The following CRIM1 variants were observed in gnomAD, a reference collection of about 807,000 sequenced individuals.
CRIM1 encodes cysteine-rich motor neuron 1 protein.
In CRIM1, 32 loss-of-function variants were observed where a neutral mutation model predicts 116.4. The observed-to-expected ratio is 0.27, with a 90% CI of 0.21 to 0.37. CRIM1 has a LOEUF of 0.37. Among genes scored for constraint, CRIM1 ranks in the 10% least tolerant of loss-of-function variants. The pLI is 1.00. For missense variants in CRIM1, 1,331 were observed against 1,354.8 expected (o/e 0.98, Z 0.28); for synonymous variants, 590 against 509.2 (o/e 1.16, Z -2.13).
intron 2 of CRIM1, among the ~76,000 whole-genome samples, chr2:36,404,778 T>C (rs1391226733): frequency 2.6e-5 from 4 of 152,248 alleles, no homozygotes; most frequent in Admixed American, 2.0e-4. Context: ...ACTTCTGTTT[T>C]ATAGCCTTTT....
At chr2:36,406,992 C>T (rs1374535287) in intron 2 of CRIM1, among the ~76,000 whole-genome samples, 1 of 152,098 alleles carries the variant, frequency 6.6e-6, no homozygotes, top group Non-Finnish European at 1.5e-5. Context: ...CTGGAATTCC[C>T]TTCCCTTGAC....
chr2:36,511,067 G>A (rs534294878), intron 9 of CRIM1, among the ~76,000 whole-genome samples: 2 of 151,752 alleles, frequency 1.3e-5, no homozygotes, highest in South Asian at 2.1e-4. Flanking sequence ...TCAGCCTCCC[G>A]AGTAGCTGGG....
intron 2 of CRIM1, among the ~76,000 whole-genome samples, chr2:36,409,929 T>C (rs1432961046): frequency 2.6e-5 from 4 of 152,236 alleles, no homozygotes; most frequent in African/African-American, 9.6e-5. Context: ...TCAAAAGCTA[T>C]GAGACCATTC....
intron 2 of CRIM1, among the ~76,000 whole-genome samples, chr2:36,410,997 C>T (rs1376612124): frequency 1.3e-5 from 2 of 152,160 alleles, no homozygotes; most frequent in Non-Finnish European, 2.9e-5. Flanking sequence ...TATTCTCAGT[C>T]GTGTCTGACG....
Position 36,549,093 on chromosome 2 carries a change from G to A in CRIM1, c.*392G>A, listed in dbSNP as rs1667563295. On this transcript the variant is annotated 3_prime_UTR_variant, in exon 17 of 17. Coordinates refer to ENST00000280527, the MANE Select transcript of CRIM1 (RefSeq NM_016441.3). ...AACATAAAAGCAGTTCAGTGGCCCAGAGGTTATTTTTTTCCTATTGCTCTG... is the reference window on the plus strand; with the variant it reads ...AACATAAAAGCAGTTCAGTGGCCCAAAGGTTATTTTTTTCCTATTGCTCTG... 2 of 155,578 alleles carry A rather than the reference G, an allele frequency of 1.3e-5. No homozygotes were observed. The highest frequency in any genetic ancestry group is 4.8e-5 in the African/African-American group (2 of 41,506). 9.6% of individuals were successfully genotyped at this position (155,578 alleles called of 1,614,324 possible). A position where few individuals can be genotyped will look rare whatever the true frequency, so the allele number is the denominator to read the frequency against.
chr2:36,422,259 T>TA lies in CRIM1; in HGVS notation c.506-18991dup, dbSNP rs997728982. On this transcript the variant is annotated intron_variant, in intron 2 of 16. Coordinates refer to ENST00000280527, the MANE Select transcript of CRIM1 (RefSeq NM_016441.3). ...TTCAATATAGTTAATGTTCTTTAAT[T>TA]AAAAAAAATCTTTAGGATACTTTAG... is the stretch of plus-strand genomic sequence containing the variant. Among the ~76,000 whole-genome samples the TA allele has an allele frequency of 6.6e-5, 10 of 152,024 alleles. No homozygotes were observed. The East Asian group carries it at 7.7e-4, about 12-fold the overall frequency.
chr2:36,441,497 C>G lies in CRIM1; in HGVS notation c.745C>G (p.Pro249Ala). Residue 249 changes from proline (P) to alanine (A), a missense_variant, in exon 3 of 17, where the codon CCA becomes GCA. Pro to Ala is a conservative substitution (Grantham distance 27). Coordinates refer to ENST00000280527, the MANE Select transcript of CRIM1 (RefSeq NM_016441.3). ...GTGCTGTGACCTCTATGAGTGCAAA[C>G]CAGGTATGCACGAGCTCTGTCTCAG... ...GECCDLYECK[P>A]VFGVDCRTVE... 2 of 1,609,588 alleles carry G rather than the reference C, an allele frequency of 1.2e-6. No homozygotes were observed. Among genetic ancestry groups the G allele is most frequent in the Admixed American group, 3.3e-5 (2 of 60,020 alleles).
At chr2:36,423,967 T>TA (rs1177189989) in intron 2 of CRIM1, among the ~76,000 whole-genome samples, 2 of 152,104 alleles carry the variant, frequency 1.3e-5, no homozygotes, top group Non-Finnish European at 2.9e-5. Flanking sequence ...GGCAGACAGG[T>TA]ACGTAGGTAG....
In CRIM1 at chr2:36,549,566, T is replaced by A. The variant is rs1667602697; in HGVS notation, c.*865T>A. On this transcript the variant is annotated 3_prime_UTR_variant, in exon 17 of 17. Coordinates refer to ENST00000280527, the MANE Select transcript of CRIM1 (RefSeq NM_016441.3). The stretch of plus-strand genomic sequence containing the variant: ...CTATATTTCACTGTTTGTTGTTGCT[T>A]TGTTCTGTTATATTGTTGGTTGTTC... The A allele has an allele frequency of 2.0e-5, 3 of 152,522 alleles. No homozygotes were observed. The highest frequency in any genetic ancestry group is 7.2e-5 in the African/African-American group (3 of 41,424). The allele number at this position is 152,522 out of a possible 1,614,324, so 9.4% of individuals were successfully genotyped here.
chr2:36,529,057 T>G (rs1199745235), intron 13 of CRIM1: 1 of 469,632 alleles, frequency 2.1e-6, no homozygotes, highest in Non-Finnish European at 4.4e-6. Flanking sequence ...CCCCACGTTC[T>G]TAATTTAAAG....
At chr2:36,408,911 C>T (rs1009236481) in intron 2 of CRIM1, among the ~76,000 whole-genome samples, 2 of 151,730 alleles carry the variant, frequency 1.3e-5, no homozygotes, top group African/African-American at 2.4e-5. Flanking sequence ...AATTTTATCA[C>T]TATAGGTAAG....
chr2:36,529,387 C>T (rs1323244019), intron 13 of CRIM1: 1 of 220,504 alleles, frequency 4.5e-6, no homozygotes, highest in Non-Finnish European at 9.6e-6. Flanking sequence ...CCGACTTTTA[C>T]ATGGATTGCT....
chr2:36,429,391 T>G (rs937586068), intron 2 of CRIM1, among the ~76,000 whole-genome samples: 1 of 152,164 alleles, frequency 6.6e-6, no homozygotes, highest in Non-Finnish European at 1.5e-5. Flanking sequence ...GCCTCAACAG[T>G]TTGCCTGTTC....
chr2:36,524,902 T>G (rs1380805891), intron 13 of CRIM1, among the ~76,000 whole-genome samples: 23 of 152,156 alleles, frequency 1.5e-4, no homozygotes, highest in Admixed American at 1.5e-3. Flanking sequence ...AAGGACCAGT[T>G]TGGCTCAAAT....
intron 2 of CRIM1, among the ~76,000 whole-genome samples, chr2:36,407,486 G>T (rs1672898523): frequency 6.6e-6 from 1 of 152,036 alleles, no homozygotes; most frequent in Non-Finnish European, 1.5e-5. Context: ...TTAAATCGTT[G>T]TTCTGATGTC....
At chr2:36,471,125 T>C (rs1678478825) in intron 5 of CRIM1, among the ~76,000 whole-genome samples, 1 of 152,222 alleles carries the variant, frequency 6.6e-6, no homozygotes, top group South Asian at 2.1e-4. Context: ...ATGAGGAGTT[T>C]CTTCTTATCG....
In CRIM1 at chr2:36,479,631, G is replaced by T; in HGVS notation, c.1309G>T (p.Val437Phe). Residue 437 changes from valine to phenylalanine, a missense_variant, in exon 7 of 17, where the codon GTC becomes TTC. Val to Phe is a conservative substitution (Grantham distance 50, BLOSUM62 -1). Transcript: ENST00000280527. ...CGGTGAACGCCACTGCGTTGCGACC[G>T]TCTGCGGACAGACCTGCACAAACCC... ...VNGERHCVATVCGQTCTNPVK... is the reference protein window; with the variant it reads ...VNGERHCVATFCGQTCTNPVK... 1.2e-6 allele frequency: 2 copies of T among 1,614,232 alleles called. No individual in the cohort carries two copies. Among genetic ancestry groups the T allele is most frequent in the Non-Finnish European group, 1.7e-6 (2 of 1,180,038 alleles).
At chr2:36,404,125 A>C (rs1672613537) in intron 2 of CRIM1, among the ~76,000 whole-genome samples, 1 of 152,174 alleles carries the variant, frequency 6.6e-6, no homozygotes, top group African/African-American at 2.4e-5. Context: ...CTGGCACAGG[A>C]AGTGACTCCT....
intron 4 of CRIM1, among the ~76,000 whole-genome samples, chr2:36,456,321 C>T (rs1677129756): frequency 6.6e-6 from 1 of 152,204 alleles, no homozygotes; most frequent in Non-Finnish European, 1.5e-5. Flanking sequence ...GCTACAAAAT[C>T]ATTACGTGTT....
Sources: gnomAD v4.1 joint callset for allele counts (sites outside exome capture counted in the v4.1 genomes callset) on GRCh38, gnomAD v4.1.1 for gene constraint, MANE v1.5 for transcripts, NCBI Gene and HGNC (gene_info 2026-07-23, HGNC 2026-07-21) for gene names.